Variants in GOLGA5 observed in about 807,000 individuals in gnomAD.
GOLGA5 encodes golgin A5.
A neutral mutation model predicts 93.5 loss-of-function variants in GOLGA5; 50 were observed. The ratio of observed to expected loss-of-function variants is 0.53; its 90% CI spans 0.43 to 0.68. The LOEUF is 0.68. Among genes scored for constraint, GOLGA5 ranks in the 30% least tolerant of loss-of-function variants. The pLI, the probability that GOLGA5 is intolerant of heterozygous loss-of-function variation, is 0.00. For synonymous variants in GOLGA5, 312 were observed against 304.5 expected (o/e 1.02, Z -0.26); for missense variants, 760 against 856.4 (o/e 0.89, Z 1.40).
chr14:92,839,515 C>T lies in GOLGA5; in HGVS notation c.*69C>T. ...TTGGGATCTGCAAGAAGGCCAATTG[C>T]CTAAAATTTCTGAGAACAGTGCACA... On this transcript the variant is annotated 3_prime_UTR_variant, in exon 13 of 13. Coordinates refer to ENST00000163416, the MANE Select transcript of GOLGA5 (RefSeq NM_005113.4). 1 of 974,696 alleles carries T rather than the reference C, an allele frequency of 1.0e-6. No individual in the cohort carries two copies. Among genetic ancestry groups the T allele is most frequent in the Non-Finnish European group, 1.6e-6 (1 of 610,900 alleles). 60.4% of individuals were successfully genotyped at this position (974,696 alleles called of 1,614,324 possible).
chr14:92,814,578 T>A (rs758617881), intron 6 of GOLGA5, among the ~76,000 whole-genome samples: 1 of 152,088 alleles, frequency 6.6e-6, no homozygotes, highest in Non-Finnish European at 1.5e-5. Context: ...TTAAAAAAAA[T>A]CTTAAAATGT....
intron 12 of GOLGA5, 54 bp downstream of exon 12, chr14:92,837,503 T>G (rs1799091385): frequency 2.8e-6 from 2 of 713,646 alleles, no homozygotes; most frequent in Non-Finnish European, 4.7e-6. Flanking sequence ...AACTAGTTTT[T>G]TTTTTTGTTT....
At position 92,797,427 on chromosome 14, in the gene GOLGA5, C is replaced by A; in HGVS notation, c.-11C>A. On this transcript the variant is annotated 5_prime_UTR_variant, in exon 2 of 13. It adds an upstream start codon to the 5' untranslated region. Coordinates refer to ENST00000163416, the MANE Select transcript of GOLGA5 (RefSeq NM_005113.4). Reference sequence around the variant, plus strand: ...TTACAGGTTTGCCAATAGGATTATCCTGCTGCCATCATGTCTTGGTTTGTT... The same window carrying A: ...TTACAGGTTTGCCAATAGGATTATCATGCTGCCATCATGTCTTGGTTTGTT... The A allele has an allele frequency of 6.3e-7, 1 of 1,590,456 alleles. No homozygotes were observed. Among genetic ancestry groups the A allele is most frequent in the South Asian group, 1.2e-5 (1 of 86,262 alleles).
intron 7 of GOLGA5, among the ~76,000 whole-genome samples, chr14:92,816,646 C>G (rs966274534): frequency 2.0e-5 from 3 of 152,132 alleles, no homozygotes; most frequent in Non-Finnish European, 2.9e-5. Flanking sequence ...ACTGCAGCCT[C>G]GAACTCCTGG....
chr14:92,810,981 C>A (rs1885092030), intron 5 of GOLGA5, among the ~76,000 whole-genome samples: 2 of 152,338 alleles, frequency 1.3e-5, no homozygotes, highest in African/African-American at 4.8e-5. Context: ...GCTAGCTTTT[C>A]AACAGGTGAA....
At chr14:92,822,984 T>C (rs1406354074) in intron 8 of GOLGA5, among the ~76,000 whole-genome samples, 2 of 152,156 alleles carry the variant, frequency 1.3e-5, no homozygotes, top group Admixed American at 6.5e-5. Flanking sequence ...TGTAGTCAAC[T>C]TTATCATTCT....
At chr14:92,823,891 T>A (rs1163104466) in intron 8 of GOLGA5, among the ~76,000 whole-genome samples, 1 of 152,302 alleles carries the variant, frequency 6.6e-6, no homozygotes, top group African/African-American at 2.4e-5. Flanking sequence ...TTTTTATATG[T>A]TCCAGTATTT....
At position 92,834,184 on chromosome 14, in the gene GOLGA5, C is replaced by CTT. The variant is rs35449807; in HGVS notation, c.1945+847_1945+848dup. On this transcript the variant is annotated intron_variant, in intron 10 of 12. Coordinates refer to ENST00000163416, the MANE Select transcript of GOLGA5 (RefSeq NM_005113.4). ...GTTTTCAGTTTCTTTTAGGTTTCAC[C>CTT]TTTTTTTTTTTATTTTATTTTTTTA... Among the ~76,000 whole-genome samples, 853 of 135,038 alleles carry CTT rather than the reference C, an allele frequency of 6.3e-3. 14 individuals carry two copies. The highest frequency in any genetic ancestry group is 9.2e-3 in the African/African-American group (355 of 38,522). 88.6% of individuals were successfully genotyped at this position (135,038 alleles called of 152,430 possible). A position where few individuals can be genotyped will look rare whatever the true frequency, so the allele number is the denominator to read the frequency against.
intron 2 of GOLGA5, among the ~76,000 whole-genome samples, chr14:92,805,494 T>C (rs1424410720): frequency 6.6e-6 from 1 of 152,226 alleles, no homozygotes; most frequent in Non-Finnish European, 1.5e-5. Flanking sequence ...TTCATTTCTC[T>C]TGTATAAATA....
intron 9 of GOLGA5, among the ~76,000 whole-genome samples, chr14:92,831,600 C>G (rs1014622504): frequency 2.0e-5 from 3 of 152,004 alleles, no homozygotes; most frequent in Non-Finnish European, 2.9e-5. Flanking sequence ...TGTCACAGTT[C>G]GTTTTTTGCT....
At chr14:92,828,883 G>C (rs1394160271) in intron 9 of GOLGA5, among the ~76,000 whole-genome samples, 1 of 152,154 alleles carries the variant, frequency 6.6e-6, no homozygotes, top group Non-Finnish European at 1.5e-5. Flanking sequence ...TGGGCAGGTT[G>C]GTCTCTAACT....
intron 1 of GOLGA5, among the ~76,000 whole-genome samples, chr14:92,796,714 T>A (rs1377268249): frequency 6.7e-6 from 1 of 150,008 alleles, no homozygotes; most frequent in African/African-American, 2.5e-5. Flanking sequence ...CTCACGCCTG[T>A]AATCCCCGCA....
At chr14:92,836,509 C>G (rs966069490) in intron 11 of GOLGA5, among the ~76,000 whole-genome samples, 2 of 152,036 alleles carry the variant, frequency 1.3e-5, no homozygotes, top group African/African-American at 4.8e-5. Flanking sequence ...ATGAAAGAAG[C>G]AGAAAGGGGT....
intron 2 of GOLGA5, among the ~76,000 whole-genome samples, chr14:92,803,211 A>AT (rs1392261460): frequency 6.6e-6 from 1 of 151,802 alleles, no homozygotes; most frequent in African/African-American, 2.4e-5. Context: ...AATTTTGTTC[A>AT]TTTTTTGTAG....
At chr14:92,838,925 C>T (rs1400799608) in intron 12 of GOLGA5, among the ~76,000 whole-genome samples, 2 of 152,150 alleles carry the variant, frequency 1.3e-5, no homozygotes, top group Non-Finnish European at 2.9e-5. Context: ...GAATCGTGTT[C>T]TGGGCCCTAC....
intron 6 of GOLGA5, among the ~76,000 whole-genome samples, chr14:92,812,939 G>T (rs1029067010): frequency 6.6e-6 from 1 of 152,124 alleles, no homozygotes; most frequent in Admixed American, 6.5e-5. Context: ...TTCCAAGCCT[G>T]ACCTCCTGAC....
At chr14:92,828,917 C>T (rs970421909) in intron 9 of GOLGA5, among the ~76,000 whole-genome samples, 2 of 152,116 alleles carry the variant, frequency 1.3e-5, no homozygotes, top group Non-Finnish European at 2.9e-5. Flanking sequence ...AATCCACCTG[C>T]GTCAGCGTCC....
intron 4 of GOLGA5, among the ~76,000 whole-genome samples, chr14:92,809,859 G>A (rs572119941): frequency 2.2e-4 from 34 of 152,252 alleles, no homozygotes; most frequent in African/African-American, 8.2e-4. Context: ...CTCAGGAGGC[G>A]AGGCAGCAGA....
intron 2 of GOLGA5, among the ~76,000 whole-genome samples, chr14:92,806,492 T>C (rs1884988690): frequency 6.6e-6 from 1 of 152,136 alleles, no homozygotes; most frequent in Non-Finnish European, 1.5e-5. Context: ...TTTGTATTTT[T>C]GGTAGAGATG....
Sources: allele counts gnomAD v4.1 joint callset (sites outside exome capture counted in the v4.1 genomes callset), GRCh38; gene constraint gnomAD v4.1.1; transcripts MANE v1.5; gene names NCBI Gene and HGNC (gene_info 2026-07-23, HGNC 2026-07-21).